TMEM135: variants seen among roughly 807,000 people sequenced by gnomAD.
The protein encoded by TMEM135 is peroxisomal membrane protein 52.
In TMEM135, 30 loss-of-function variants were observed where a neutral mutation model predicts 60.3. The observed-to-expected ratio is 0.50, with a 90% CI of 0.37 to 0.68. The LOEUF (loss-of-function observed/expected upper bound fraction) is 0.68, where lower values mean the gene tolerates loss of function less well. Among genes scored for constraint, TMEM135 ranks in the 30% least tolerant of loss-of-function variants. The pLI, the probability that TMEM135 is intolerant of heterozygous loss-of-function variation, is 0.00. For missense variants in TMEM135, 468 were observed against 548.8 expected, an observed-to-expected ratio of 0.85 and a Z score of 1.47; for synonymous variants, 190 against 186.7, an observed-to-expected ratio of 1.02 and a Z score of -0.14.
At chr11:87,145,485 A>G (rs1344997390) in intron 4 of TMEM135, among the ~76,000 whole-genome samples, 1 of 152,102 alleles carries the variant, frequency 6.6e-6, no homozygotes. Flanking sequence ...TTCTATTTTT[A>G]GTGTTTTTGA....
chr11:87,203,373 C>G (rs935385636), intron 5 of TMEM135, among the ~76,000 whole-genome samples: 3 of 152,080 alleles, frequency 2.0e-5, no homozygotes, highest in African/African-American at 4.8e-5. Context: ...CCTTTAACCC[C>G]CTGAAACCCT....
At chr11:87,261,946 C>A (rs533703806) in intron 6 of TMEM135, among the ~76,000 whole-genome samples, 2 of 152,232 alleles carry the variant, frequency 1.3e-5, no homozygotes, top group East Asian at 3.9e-4. Context: ...CTATACATAC[C>A]TTTGTACCTA....
At chr11:87,117,006 A>G (rs1857904495) in intron 4 of TMEM135, among the ~76,000 whole-genome samples, 1 of 152,100 alleles carries the variant, frequency 6.6e-6, no homozygotes, top group Non-Finnish European at 1.5e-5. Context: ...TATTTATGGT[A>G]GAGATGGGGT....
chr11:87,313,562 A>G (rs1224305979), intron 11 of TMEM135, 74 bp downstream of exon 11: 6 of 1,220,932 alleles, frequency 4.9e-6, no homozygotes, highest in Non-Finnish European at 6.0e-6. Flanking sequence ...ATACCATCCA[A>G]TTCATCCAAT....
At chr11:87,129,723 T>A (rs1363656937) in intron 4 of TMEM135, among the ~76,000 whole-genome samples, 1 of 151,908 alleles carries the variant, frequency 6.6e-6, no homozygotes, top group Non-Finnish European at 1.5e-5. Flanking sequence ...GTATTTTTAG[T>A]AGAGATGTGG....
chr11:87,055,858 T>G (rs1014079392), intron 1 of TMEM135, among the ~76,000 whole-genome samples: 8 of 152,112 alleles, frequency 5.3e-5, no homozygotes, highest in Non-Finnish European at 1.2e-4. Context: ...AGGAAAGGGA[T>G]CCTGATTTAG....
chr11:87,256,193 A>G (rs1297561462), intron 6 of TMEM135, among the ~76,000 whole-genome samples: 2 of 152,188 alleles, frequency 1.3e-5, no homozygotes, highest in African/African-American at 2.4e-5. Context: ...TTTAAATATT[A>G]TTAGAGGATC....
At chr11:87,281,379 T>G in intron 6 of TMEM135, among the ~76,000 whole-genome samples, 1 of 152,214 alleles carries the variant, frequency 6.6e-6, no homozygotes, top group East Asian at 1.9e-4. Context: ...TGGGGACACA[T>G]GCAGACAAAC....
intron 5 of TMEM135, among the ~76,000 whole-genome samples, chr11:87,167,935 G>T (rs1003804975): frequency 6.6e-6 from 1 of 152,048 alleles, no homozygotes; most frequent in Non-Finnish European, 1.5e-5. Context: ...AATCTGTCAG[G>T]TCCTGGGCTT....
intron 1 of TMEM135, among the ~76,000 whole-genome samples, chr11:87,061,668 T>C (rs558844601): frequency 7.9e-5 from 12 of 152,308 alleles, no homozygotes; most frequent in African/African-American, 2.9e-4. Flanking sequence ...TCATGGGTCT[T>C]TGAGGCCAAT....
chr11:87,283,682 A>T (rs1942110523), intron 6 of TMEM135, among the ~76,000 whole-genome samples: 1 of 152,042 alleles, frequency 6.6e-6, no homozygotes, highest in Non-Finnish European at 1.5e-5. Context: ...AGATGGTGAA[A>T]CCCTGTTTCT....
chr11:87,056,596 G>T (rs977894871), intron 1 of TMEM135, among the ~76,000 whole-genome samples: 3 of 152,236 alleles, frequency 2.0e-5, no homozygotes, highest in Admixed American at 2.0e-4. Context: ...ATGTGTTGAA[G>T]TGCAGTTTAA....
At position 87,319,552 on chromosome 11, in the gene TMEM135, A is replaced by T. The variant is rs553510307; in HGVS notation, c.1244+175A>T. Among the ~76,000 whole-genome samples the T allele has an allele frequency of 4.1e-4, 62 of 152,138 alleles. 1 individual carries two copies. Among genetic ancestry groups the T allele is most frequent in the African/African-American group, 1.5e-3 (62 of 41,430 alleles). ...TTATTCTGACTATTCTTTTCCCTATAATATTGTAGATGTTTTAAGTGGTCT... is the reference window on the plus strand; with the variant it reads ...TTATTCTGACTATTCTTTTCCCTATTATATTGTAGATGTTTTAAGTGGTCT... On this transcript the variant is annotated intron_variant, in intron 14 of 14. Coordinates refer to ENST00000305494, the MANE Select transcript of TMEM135 (RefSeq NM_022918.4).
chr11:87,189,751 C>T (rs1242838307), intron 5 of TMEM135, among the ~76,000 whole-genome samples: 6 of 115,162 alleles, frequency 5.2e-5, no homozygotes, highest in African/African-American at 1.9e-4. Context: ...GAGATCCCGT[C>T]TCCACAGAAA....
At chr11:87,058,326 T>TTTA (rs34161815) in intron 1 of TMEM135, among the ~76,000 whole-genome samples, 45,028 of 150,908 alleles carry the variant, frequency 0.3, 7,757 homozygotes, top group East Asian at 0.57. Flanking sequence ...TTCTGCCTCC[T>TTTA]TTATTATTAT....
At chr11:87,100,625 GC>G (rs1397526158) in intron 4 of TMEM135, among the ~76,000 whole-genome samples, 1 of 152,100 alleles carries the variant, frequency 6.6e-6, no homozygotes, top group Non-Finnish European at 1.5e-5. Flanking sequence ...TATTTTGGAG[GC>G]CAAGGCAAGT....
In TMEM135 at chr11:87,326,552, C is replaced by T. The variant is rs1942915172; in HGVS notation, c.*5219C>T. 2.2e-6 allele frequency: 1 copy of T among 453,914 alleles called. No individual in the cohort carries two copies. The highest frequency in any genetic ancestry group is 2.0e-5 in the African/African-American group (1 of 49,980). The allele number at this position is 453,914 out of a possible 1,614,324, so 28.1% of individuals were successfully genotyped here. ...TGGTTGGTCATTATGGGATTGGATGCCAAAAGGAATGGGAGAGAAGAGACT... is the reference window on the plus strand; with the variant it reads ...TGGTTGGTCATTATGGGATTGGATGTCAAAAGGAATGGGAGAGAAGAGACT... On this transcript the variant is annotated 3_prime_UTR_variant, in exon 15 of 15. Transcript: ENST00000305494.
chr11:87,276,639 C>A (rs1278199406), intron 6 of TMEM135, among the ~76,000 whole-genome samples: 1 of 145,340 alleles, frequency 6.9e-6, no homozygotes. Flanking sequence ...ATAAGTTATA[C>A]AAAACTTCTT....
At chr11:87,125,904 C>G (rs561706989) in intron 4 of TMEM135, among the ~76,000 whole-genome samples, 1 of 152,278 alleles carries the variant, frequency 6.6e-6, no homozygotes, top group South Asian at 2.1e-4. Context: ...AAGATAAATT[C>G]TGTTTAACTC....
Sources: gnomAD v4.1 joint callset for allele counts (sites outside exome capture counted in the v4.1 genomes callset) on GRCh38, gnomAD v4.1.1 for gene constraint, MANE v1.5 for transcripts, NCBI Gene and HGNC (gene_info 2026-07-23, HGNC 2026-07-21) for gene names.